The following SLC17A6 variants were observed in gnomAD, a reference collection of about 807,000 sequenced individuals.
The protein encoded by SLC17A6 is solute carrier family 17 member 6, also known as vesicular glutamate transporter 2.
Under a neutral mutation model 67.1 loss-of-function variants are expected in SLC17A6, and 35 were observed. The ratio of observed to expected loss-of-function variants is 0.52; its 90% CI spans 0.40 to 0.69. The LOEUF (loss-of-function observed/expected upper bound fraction) is 0.69, where lower values mean the gene tolerates loss of function less well. Ranked by LOEUF, SLC17A6 falls within the 30% of genes least tolerant of loss-of-function variation. The pLI is 0.00. For missense variants in SLC17A6, 588 were observed against 723.9 expected (o/e 0.81, Z 2.15); for synonymous variants, 285 against 252.3 (o/e 1.13, Z -1.23).
intron 7 of SLC17A6, among the ~76,000 whole-genome samples, chr11:22,366,348 G>A (rs1433253649): frequency 6.6e-6 from 1 of 152,038 alleles, no homozygotes; most frequent in Non-Finnish European, 1.5e-5. Context: ...GGTTAAGGGA[G>A]GACTACTATA....
chr11:22,365,827 T>A, intron 7 of SLC17A6, 138 bp downstream of exon 7: 2 of 885,532 alleles, frequency 2.3e-6, no homozygotes, highest in Non-Finnish European at 3.3e-6. Flanking sequence ...GGTCCATCCA[T>A]ATTCTCTGAC....
chr11:22,362,380 A>C (rs966217432), intron 5 of SLC17A6: 1 of 338,078 alleles, frequency 3.0e-6, no homozygotes, highest in Non-Finnish European at 5.8e-6. Context: ...TACATGCTTG[A>C]GGTCGCAAGA....
At chr11:22,342,819 C>G (rs74810524) in intron 2 of SLC17A6, 5,014 of 356,070 alleles carry the variant, frequency 0.014, 238 homozygotes, top group African/African-American at 0.099. Flanking sequence ...CAGAATTTCC[C>G]GATTTAAGTC....
rs189914388 is a variant in SLC17A6, at chr11:22,351,516, G to A, written c.459-7897G>A. On this transcript the variant is annotated intron_variant, in intron 3 of 11. Transcript: ENST00000263160. ...AACTGAATACAGAATCGTTTTCCCCGATACACTAGATGGTATGAGGCAGAG... is the reference window on the plus strand; with the variant it reads ...AACTGAATACAGAATCGTTTTCCCCAATACACTAGATGGTATGAGGCAGAG... Among the ~76,000 whole-genome samples the A allele has an allele frequency of 1.1e-4, 17 of 152,032 alleles. No homozygotes were observed. The East Asian group carries it at 1.4e-3, about 12-fold the overall frequency.
chr11:22,348,294 C>T (rs374251156), intron 3 of SLC17A6, among the ~76,000 whole-genome samples: 1 of 152,186 alleles, frequency 6.6e-6, no homozygotes, highest in African/African-American at 2.4e-5. Flanking sequence ...ATCTATCATG[C>T]CCCAAATCCA....
intron 4 of SLC17A6, 98 bp downstream of exon 4, chr11:22,359,625 G>A (rs761597795): frequency 1.7e-6 from 1 of 584,104 alleles, no homozygotes; most frequent in Non-Finnish European, 2.7e-6. Context: ...TATTGTATTA[G>A]GTTGCATCTA....
At chr11:22,342,631 C>T (rs1190399579) in intron 2 of SLC17A6, among the ~76,000 whole-genome samples, 2 of 152,142 alleles carry the variant, frequency 1.3e-5, no homozygotes, top group African/African-American at 4.8e-5. Context: ...TCAGAAATAC[C>T]CCTGCCCCGT....
chr11:22,368,146 CCTCA>C (rs1224491061), intron 7 of SLC17A6, among the ~76,000 whole-genome samples: 16 of 151,850 alleles, frequency 1.1e-4, no homozygotes, highest in African/African-American at 3.4e-4. Context: ...TGATATTCTC[CCTCA>C]CTATCTCAGT....
rs1224263578 is a variant in SLC17A6, at chr11:22,356,190, A to G, written c.459-3223A>G. 2.0e-5 allele frequency among the ~76,000 whole-genome samples: 3 copies of G among 152,194 alleles called. No individual in the cohort carries two copies. In the East Asian group the frequency reaches 5.8e-4, roughly 29 times the overall value. On this transcript the variant is annotated intron_variant, in intron 3 of 11. Transcript: ENST00000263160. ...GTGAGAATTAAATGAGTCAATACAA[A>G]TGGAGAAATTACAGTAAATGACCTG...
At chr11:22,345,384 T>A (rs144776169) in intron 3 of SLC17A6, among the ~76,000 whole-genome samples, 422 of 151,754 alleles carry the variant, frequency 2.8e-3, no homozygotes, top group African/African-American at 9.8e-3. Flanking sequence ...CGAACTGGGC[T>A]CACTGCAGCC....
At chr11:22,345,202 G>A (rs1477978609) in intron 3 of SLC17A6, among the ~76,000 whole-genome samples, 3 of 148,650 alleles carry the variant, frequency 2.0e-5, no homozygotes, top group African/African-American at 5.0e-5. Flanking sequence ...GGGTTTTTCC[G>A]ATTATTTAAA....
intron 2 of SLC17A6, among the ~76,000 whole-genome samples, chr11:22,342,464 G>A (rs547405047): frequency 5.5e-4 from 84 of 152,214 alleles, no homozygotes; most frequent in Non-Finnish European, 6.2e-4. Context: ...AGATCCTCTG[G>A]GTGTCAAAAT....
At chr11:22,356,492 A>G (rs1855994452) in intron 3 of SLC17A6, among the ~76,000 whole-genome samples, 1 of 152,148 alleles carries the variant, frequency 6.6e-6, no homozygotes, top group East Asian at 1.9e-4. Context: ...AGGGAATTCA[A>G]TGGATTTTGA....
intron 3 of SLC17A6, among the ~76,000 whole-genome samples, chr11:22,351,101 C>T (rs1000388639): frequency 1.3e-5 from 2 of 151,936 alleles, no homozygotes; most frequent in African/African-American, 2.4e-5. Flanking sequence ...ATAAAATCAT[C>T]TTCATAATTG....
At chr11:22,341,900 C>A in intron 2 of SLC17A6, 120 bp downstream of exon 2, 1 of 1,412,060 alleles carries the variant, frequency 7.1e-7, no homozygotes, top group Non-Finnish European at 9.5e-7. Context: ...GCTCCCTAAG[C>A]TCCTCTCTGG....
Position 22,359,538 on chromosome 11 carries a change from T to G in SLC17A6, c.573+11T>G, listed in dbSNP as rs1220189966. On this transcript the variant is annotated intron_variant, in intron 4 of 11. Coordinates refer to ENST00000263160, the MANE Select transcript of SLC17A6 (RefSeq NM_020346.3). ...CAGGGACTTGTTGAGGTATGTAACTTCAGGGTGAAGCCTTTTTAAGATTGG... is the reference window on the plus strand; with the variant it reads ...CAGGGACTTGTTGAGGTATGTAACTGCAGGGTGAAGCCTTTTTAAGATTGG... 1 of 1,535,078 alleles carries G rather than the reference T, an allele frequency of 6.5e-7. No individual in the cohort carries two copies. The highest frequency in any genetic ancestry group is 8.8e-7 in the Non-Finnish European group (1 of 1,133,512).
At chr11:22,354,461 T>C (rs1455912257) in intron 3 of SLC17A6, among the ~76,000 whole-genome samples, 2 of 152,224 alleles carry the variant, frequency 1.3e-5, no homozygotes, top group Admixed American at 6.5e-5. Flanking sequence ...ATACTTCGTT[T>C]AAGAAAATAC....
rs573178759 is a variant in SLC17A6, at chr11:22,361,121, C to A, written c.661+137C>A. 2.6e-5 allele frequency: 15 copies of A among 576,276 alleles called. No individual in the cohort carries two copies. The African/African-American group carries it at 2.6e-4, about 10-fold the overall frequency. The allele number at this position is 576,276 out of a possible 1,614,324, so 35.7% of individuals were successfully genotyped here. ...CATCTGTGAGTGGTAAGGTTTTTGA[C>A]CACCATTTCCATTTCTTTAGTTTTA... is the stretch of plus-strand genomic sequence containing the variant. On this transcript the variant is annotated intron_variant, in intron 5 of 11. Transcript: ENST00000263160.
chr11:22,366,186 G>A (rs1463038107), intron 7 of SLC17A6, among the ~76,000 whole-genome samples: 1 of 151,914 alleles, frequency 6.6e-6, no homozygotes, highest in South Asian at 2.1e-4. Flanking sequence ...TATAAATTGG[G>A]TATAGTAAGT....
Sources: allele counts gnomAD v4.1 joint callset (sites outside exome capture counted in the v4.1 genomes callset), GRCh38; gene constraint gnomAD v4.1.1; transcripts MANE v1.5; gene names NCBI Gene and HGNC (gene_info 2026-07-23, HGNC 2026-07-21).